DYRK4: variants seen among roughly 807,000 people sequenced by gnomAD.
DYRK4 encodes dual specificity tyrosine-phosphorylation-regulated kinase 4.
A neutral mutation model predicts 68.3 loss-of-function variants in DYRK4; 64 were observed. The observed-to-expected ratio is 0.94, with a 90% confidence interval of 0.77 to 1.15. The LOEUF (loss-of-function observed/expected upper bound fraction) is 1.15, where lower values mean the gene tolerates loss of function less well. Ranked by LOEUF, DYRK4 falls within the 50% of genes most tolerant of loss-of-function variation. The pLI is 0.00. For missense variants in DYRK4, 740 were observed against 764.7 expected (o/e 0.97, Z 0.38); for synonymous variants, 274 against 289.9 (o/e 0.95, Z 0.56).
In DYRK4 at chr12:4,607,347, C is replaced by T. The variant is rs2255588; in HGVS notation, c.1320C>T (p.Ala440=). Reference sequence around the variant, plus strand: ...TTAAGGTGCTGGGTCTGCCGCCAGCCGGCTTCATTCAGACAGCCTCCAGGA... The same window carrying T: ...TTAAGGTGCTGGGTCTGCCGCCAGCTGGCTTCATTCAGACAGCCTCCAGGA... The part of the protein sequence containing the change: ...CIMEVLGLPP[A]GFIQTASRRQ... Residue 440 remains alanine, a synonymous_variant, in exon 12 of 15, where the codon GCC becomes GCT. Coordinates refer to ENST00000543431, the MANE Select transcript of DYRK4 (RefSeq NM_001394779.1). 0.053 allele frequency: 86,166 copies of T among 1,613,688 alleles called. 5,389 individuals are homozygous for T. Among genetic ancestry groups the T allele is most frequent in the East Asian group, 0.28 (12,483 of 44,860 alleles).
intron 11 of DYRK4, among the ~76,000 whole-genome samples, chr12:4,606,288 G>A (rs1945148589): frequency 7.4e-6 from 1 of 134,318 alleles, no homozygotes; most frequent in Non-Finnish European, 1.6e-5. Flanking sequence ...CTAGCTGGCT[G>A]GCTGGCTATC....
At chr12:4,590,465 G>A (rs1345624330) in intron 4 of DYRK4, 25 bp downstream of exon 4, 1 of 1,532,958 alleles carries the variant, frequency 6.5e-7, no homozygotes, top group Admixed American at 2.0e-5. Context: ...ACTGGACCCT[G>A]AGAAGGCAGG....
At position 4,601,212 on chromosome 12, in the gene DYRK4, G is replaced by A. The variant is rs112620136; in HGVS notation, c.1126+1424G>A. Among the ~76,000 whole-genome samples, 279 of 152,314 alleles carry A rather than the reference G, an allele frequency of 1.8e-3. 2 individuals are homozygous for A. The highest frequency in any genetic ancestry group is 6.5e-3 in the African/African-American group (272 of 41,568). ...ATTATTAGTTTGAAGAAAAAAATAA[G>A]TCAATGCACCACATACAGTGTTAGC... On this transcript the variant is annotated intron_variant, in intron 10 of 14. Transcript: ENST00000543431.
chr12:4,611,474 G>A (rs935419849), intron 13 of DYRK4, among the ~76,000 whole-genome samples: 4 of 151,972 alleles, frequency 2.6e-5, no homozygotes, highest in African/African-American at 9.7e-5. Flanking sequence ...GATGGGGACT[G>A]TTATCTTATA....
chr12:4,599,721 A>T lies in DYRK4; in HGVS notation c.1059A>T (p.Leu353=). The T allele has an allele frequency of 5.0e-6, 8 of 1,613,964 alleles. No homozygotes were observed. Among genetic ancestry groups the T allele is most frequent in the Non-Finnish European group, 6.8e-6 (8 of 1,179,826 alleles). ...HCDLKPENIV[L]YQKGQASVKV... ...CTTCTCTCTAGGAAAATATAGTGCT[A>T]TACCAAAAGGGCCAAGCCTCTGTTA... The change falls in exon 10 of 15, where the codon CTA becomes CTT. Residue 353 remains leucine, a synonymous_variant. Coordinates refer to ENST00000543431, the MANE Select transcript of DYRK4 (RefSeq NM_001394779.1).
intron 1 of DYRK4, among the ~76,000 whole-genome samples, chr12:4,566,292 A>G (rs7973740): frequency 0.11 from 16,403 of 152,248 alleles, 913 homozygotes; most frequent in East Asian, 0.17. Context: ...CAAGACTCTA[A>G]CTTGGACTAC....
intron 1 of DYRK4, among the ~76,000 whole-genome samples, chr12:4,566,838 C>A (rs1316816256): frequency 1.3e-5 from 2 of 152,162 alleles, no homozygotes; most frequent in Non-Finnish European, 2.9e-5. Context: ...TTCCTACTTA[C>A]CTCCCCCAGC....
intron 10 of DYRK4, 48 bp downstream of exon 10, chr12:4,599,836 C>A (rs755142993): frequency 6.5e-6 from 10 of 1,527,956 alleles, no homozygotes; most frequent in Middle Eastern, 1.7e-4. Context: ...ATTGCAATTT[C>A]TCTCCCTTCA....
intron 2 of DYRK4, among the ~76,000 whole-genome samples, chr12:4,580,560 T>C (rs1393834060): frequency 1.3e-5 from 2 of 152,200 alleles, no homozygotes; most frequent in Non-Finnish European, 2.9e-5. Flanking sequence ...TCCCTCCCAG[T>C]TCTTTGTGAT....
intron 10 of DYRK4, among the ~76,000 whole-genome samples, chr12:4,600,988 C>T (rs1214637026): frequency 2.0e-5 from 3 of 151,932 alleles, no homozygotes; most frequent in Non-Finnish European, 4.4e-5. Context: ...AGTCCTATCA[C>T]CTAAGAAGTT....
At chr12:4,599,291 T>TTTTA in intron 9 of DYRK4, 125 bp downstream of exon 9, 1 of 1,008,848 alleles carries the variant, frequency 9.9e-7, no homozygotes, top group South Asian at 1.7e-5. Context: ...TTTTTTTTTT[T>TTTTA]TGGTGCTCTA....
intron 2 of DYRK4, among the ~76,000 whole-genome samples, chr12:4,587,040 A>G (rs925121171): frequency 5.3e-5 from 8 of 152,292 alleles, no homozygotes; most frequent in Admixed American, 5.2e-4. Context: ...GTCCATACCC[A>G]TGAGCATTAT....
At chr12:4,586,952 A>G (rs148246676) in intron 2 of DYRK4, among the ~76,000 whole-genome samples, 165 of 152,378 alleles carry the variant, frequency 1.1e-3, no homozygotes, top group African/African-American at 3.7e-3. Flanking sequence ...CATTACATGA[A>G]GATAGGCTAA....
At chr12:4,601,595 T>G (rs572740668) in intron 10 of DYRK4, among the ~76,000 whole-genome samples, 2 of 152,350 alleles carry the variant, frequency 1.3e-5, no homozygotes, top group African/African-American at 2.4e-5. Flanking sequence ...TTTTGACATG[T>G]AAATGTATAA....
At chr12:4,586,699 G>A (rs35253288) in intron 2 of DYRK4, among the ~76,000 whole-genome samples, 54,696 of 117,914 alleles carry the variant, frequency 0.46, 11,502 homozygotes, top group Middle Eastern at 0.59. Context: ...AAACTCCTGG[G>A]CTGCGTACAC....
intron 10 of DYRK4, among the ~76,000 whole-genome samples, chr12:4,601,620 T>A (rs1223518627): frequency 2.0e-5 from 3 of 152,150 alleles, no homozygotes; most frequent in Non-Finnish European, 4.4e-5. Context: ...AAAGAAGATA[T>A]AAAAGGATTT....
intron 2 of DYRK4, among the ~76,000 whole-genome samples, chr12:4,568,677 C>T (rs753909301): frequency 6.6e-6 from 1 of 152,226 alleles, no homozygotes; most frequent in African/African-American, 2.4e-5. Flanking sequence ...TGAGCCACCA[C>T]GCCTGGCCAA....
At chr12:4,590,570 G>A in intron 4 of DYRK4, 130 bp downstream of exon 4, 1 of 1,412,466 alleles carries the variant, frequency 7.1e-7, no homozygotes, top group Non-Finnish European at 9.2e-7. Context: ...TTCTAGTCCT[G>A]TTCTCATTCT....
chr12:4,569,209 C>T (rs1223101428), intron 2 of DYRK4, among the ~76,000 whole-genome samples: 2 of 152,272 alleles, frequency 1.3e-5, no homozygotes, highest in African/African-American at 4.8e-5. Context: ...TAACAAAACA[C>T]GTTTATTTTG....
Sources: allele counts gnomAD v4.1 joint callset (sites outside exome capture counted in the v4.1 genomes callset), GRCh38; gene constraint gnomAD v4.1.1; transcripts MANE v1.5; gene names NCBI Gene and HGNC (gene_info 2026-07-23, HGNC 2026-07-21).